TENM2: variants seen among roughly 807,000 people sequenced by gnomAD.
TENM2 encodes teneurin transmembrane protein 2.
In TENM2, 52 loss-of-function variants were observed where a neutral mutation model predicts 245.2. The observed-to-expected ratio is 0.21, with a 90% confidence interval of 0.17 to 0.27. The LOEUF (loss-of-function observed/expected upper bound fraction) is 0.27, where lower values mean the gene tolerates loss of function less well. Among genes scored for constraint, TENM2 ranks in the 10% least tolerant of loss-of-function variants. The probability of loss-of-function intolerance (pLI) is 1.00; values close to 1 mark genes in which losing one functional copy is unlikely to be tolerated. For missense variants in TENM2, 3,046 were observed against 3,666.8 expected, an observed-to-expected ratio of 0.83 and a Z score of 4.37; for synonymous variants, 1,363 against 1,438.9, an observed-to-expected ratio of 0.95 and a Z score of 1.19.
chr5:167,962,906 T>C (rs1781121399), intron 4 of TENM2, among the ~76,000 whole-genome samples: 2 of 152,208 alleles, frequency 1.3e-5, no homozygotes, highest in South Asian at 4.1e-4. Flanking sequence ...CCAAACCGCA[T>C]TGTTATTAGT....
At chr5:167,495,760 GA>G (rs1461618485) in intron 2 of TENM2, among the ~76,000 whole-genome samples, 1 of 151,866 alleles carries the variant, frequency 6.6e-6, no homozygotes, top group South Asian at 2.1e-4. Context: ...AAAAACAAAA[GA>G]AAACAAAAAG....
chr5:168,255,450 C>T (rs751911496), intron 27 of TENM2, among the ~76,000 whole-genome samples: 24 of 152,136 alleles, frequency 1.6e-4, no homozygotes, highest in Admixed American at 3.9e-4. Context: ...TACAGGTGCC[C>T]ACCACCAAGC....
the TENM2 span, among the ~76,000 whole-genome samples, chr5:167,109,807 T>A: frequency 6.6e-6 from 1 of 152,216 alleles, no homozygotes; most frequent in East Asian, 1.9e-4. Flanking sequence ...TGGCATAGGA[T>A]GCTAGTAACT....
intron 25 of TENM2, among the ~76,000 whole-genome samples, chr5:168,233,862 C>T (rs1031701959): frequency 6.6e-6 from 1 of 152,158 alleles, no homozygotes; most frequent in African/African-American, 2.4e-5. Context: ...AAAGCGGAAA[C>T]TCCTGATAAA....
intron 2 of TENM2, among the ~76,000 whole-genome samples, chr5:167,535,220 A>G (rs1771773067): frequency 6.6e-6 from 1 of 151,886 alleles, no homozygotes; most frequent in African/African-American, 2.4e-5. Flanking sequence ...CACTCTAGCC[A>G]CACTGTAACA....
intron 3 of TENM2, among the ~76,000 whole-genome samples, chr5:167,915,694 C>T (rs188841714): frequency 1.3e-5 from 2 of 152,320 alleles, no homozygotes; most frequent in East Asian, 1.9e-4. Context: ...AACAGAACAC[C>T]TTCAGCCTTC....
intron 2 of TENM2, among the ~76,000 whole-genome samples, chr5:167,656,356 G>T (rs1754839508): frequency 6.6e-6 from 1 of 152,130 alleles, no homozygotes. Flanking sequence ...AAAGATGAAA[G>T]CATGAGCACG....
At chr5:167,151,685 AC>A in the TENM2 span, among the ~76,000 whole-genome samples, 87 of 152,002 alleles carry the variant, frequency 5.7e-4, no homozygotes, top group African/African-American at 2.1e-3. Flanking sequence ...TGCCTGGCTA[AC>A]TTTTGTATTT....
chr5:167,744,620 T>C (rs934549060), intron 2 of TENM2, among the ~76,000 whole-genome samples: 2 of 152,286 alleles, frequency 1.3e-5, no homozygotes, highest in East Asian at 3.9e-4. Flanking sequence ...AGGTGCATTG[T>C]GACATTTTAT....
intron 2 of TENM2, among the ~76,000 whole-genome samples, chr5:167,521,790 A>T (rs912903429): frequency 1.3e-5 from 2 of 152,130 alleles, no homozygotes; most frequent in Non-Finnish European, 2.9e-5. Flanking sequence ...AACTTAGCTA[A>T]TACAGCACTG....
intron 4 of TENM2, among the ~76,000 whole-genome samples, chr5:167,966,508 A>C (rs752354790): frequency 6.6e-6 from 1 of 152,154 alleles, no homozygotes; most frequent in Admixed American, 6.5e-5. Flanking sequence ...TTAAAAACAC[A>C]CTTTTTGTCT....
chr5:167,066,002 T>C, the TENM2 span, among the ~76,000 whole-genome samples: 1 of 152,124 alleles, frequency 6.6e-6, no homozygotes, highest in Non-Finnish European at 1.5e-5. Context: ...TGATGAACCA[T>C]TAAGTGGTCC....
chr5:168,238,157 A>AAG lies in TENM2; in HGVS notation c.5521-6236_5521-6235dup, dbSNP rs1164402441. Among the ~76,000 whole-genome samples the AAG allele has an allele frequency of 1.4e-3, 100 of 69,934 alleles. 3 individuals carry two copies. Among genetic ancestry groups the AAG allele is most frequent in the South Asian group, 4.8e-3 (7 of 1,446 alleles). The allele number at this position is 69,934 out of a possible 152,430, so 45.9% of individuals were successfully genotyped here. ...GAGACTCCATCTCAAGAAAGAAAGA[A>AAG]AGAGAGAGAGAGAGAGAGAGAGAGA... On this transcript the variant is annotated intron_variant, in intron 25 of 28. Transcript: ENST00000518659.
intron 5 of TENM2, among the ~76,000 whole-genome samples, chr5:168,001,613 C>T (rs1784428084): frequency 1.3e-5 from 2 of 152,188 alleles, no homozygotes; most frequent in African/African-American, 4.8e-5. Context: ...TACATGGCCT[C>T]ATACAACAGA....
intron 13 of TENM2, among the ~76,000 whole-genome samples, chr5:168,179,255 C>T (rs1441166011): frequency 2.0e-5 from 3 of 152,090 alleles, no homozygotes. Context: ...CTCTATGAAC[C>T]TCAGTTTCTT....
At chr5:168,215,747 G>A (rs1763136885) in intron 21 of TENM2, among the ~76,000 whole-genome samples, 1 of 152,202 alleles carries the variant, frequency 6.6e-6, no homozygotes, top group African/African-American at 2.4e-5. Context: ...GAAAGTGAAG[G>A]GGATTGCGCC....
chr5:168,036,640 AAAAAT>A (rs60958382), intron 5 of TENM2, among the ~76,000 whole-genome samples: 40 of 108,350 alleles, frequency 3.7e-4, no homozygotes, highest in African/African-American at 1.6e-3. Context: ...CCATCAAAAA[AAAAAT>A]ATATATATAT....
At chr5:167,658,283 A>G (rs190734769) in intron 2 of TENM2, among the ~76,000 whole-genome samples, 19 of 150,816 alleles carry the variant, frequency 1.3e-4, no homozygotes, top group Non-Finnish European at 2.2e-4. Context: ...ATCTTGGGTC[A>G]CTGCAACCTC....
At chr5:167,157,634 C>T in the TENM2 span, among the ~76,000 whole-genome samples, 1 of 152,234 alleles carries the variant, frequency 6.6e-6, no homozygotes, top group African/African-American at 2.4e-5. Context: ...CACAAAAGGC[C>T]TGTAATTGTT....
Sources: gnomAD v4.1 joint callset for allele counts (sites outside exome capture counted in the v4.1 genomes callset) on GRCh38, gnomAD v4.1.1 for gene constraint, MANE v1.5 for transcripts, NCBI Gene and HGNC (gene_info 2026-07-23, HGNC 2026-07-21) for gene names.